Variants in XKR4 observed in about 807,000 individuals in gnomAD.
The protein encoded by XKR4 is XK related 4, also known as XK-related protein 4.
In XKR4, 12 loss-of-function variants were observed where a neutral mutation model predicts 53.9. The observed-to-expected ratio is 0.22, with a 90% CI of 0.14 to 0.36. The LOEUF (loss-of-function observed/expected upper bound fraction) is 0.36, where lower values mean the gene tolerates loss of function less well. XKR4 is among the 10% of genes least tolerant of loss of function. The pLI, the probability that XKR4 is intolerant of heterozygous loss-of-function variation, is 1.00. For synonymous variants in XKR4, 354 were observed against 362.4 expected, an observed-to-expected ratio of 0.98 and a Z score of 0.26; for missense variants, 799 against 859.5, an observed-to-expected ratio of 0.93 and a Z score of 0.88.
At chr8:55,262,565 T>C (rs1818540689) in intron 1 of XKR4, among the ~76,000 whole-genome samples, 1 of 152,182 alleles carries the variant, frequency 6.6e-6, no homozygotes. Flanking sequence ...TCACATGCAC[T>C]GAGGAAAGGC....
chr8:55,196,175 CTTT>C (rs1032613430), intron 1 of XKR4, among the ~76,000 whole-genome samples: 17 of 125,942 alleles, frequency 1.3e-4, no homozygotes, highest in South Asian at 2.6e-4. Flanking sequence ...GTTGTGCTTC[CTTT>C]TTTTTTTTTT....
At chr8:55,362,788 T>C (rs1803923786) in intron 2 of XKR4, among the ~76,000 whole-genome samples, 1 of 152,188 alleles carries the variant, frequency 6.6e-6, no homozygotes, top group Non-Finnish European at 1.5e-5. Flanking sequence ...AAAATACCAG[T>C]TCATGTACAG....
At chr8:55,377,724 C>T (rs1047918924) in intron 2 of XKR4, among the ~76,000 whole-genome samples, 9 of 152,168 alleles carry the variant, frequency 5.9e-5, no homozygotes, top group Admixed American at 3.3e-4. Flanking sequence ...TGTCGTGAGG[C>T]CACCTTGATG....
At chr8:55,461,476 A>C (rs556802447) in intron 2 of XKR4, among the ~76,000 whole-genome samples, 1 of 152,234 alleles carries the variant, frequency 6.6e-6, no homozygotes, top group African/African-American at 2.4e-5. Flanking sequence ...CCAACTGTAC[A>C]TCACTATCAT....
chr8:55,166,873 G>T (rs1208672569), intron 1 of XKR4, among the ~76,000 whole-genome samples: 3 of 152,208 alleles, frequency 2.0e-5, no homozygotes, highest in Non-Finnish European at 4.4e-5. Context: ...TGCTTTGAAT[G>T]ATATATGAAG....
intron 2 of XKR4, among the ~76,000 whole-genome samples, chr8:55,488,003 A>G (rs569126928): frequency 1.3e-5 from 2 of 152,238 alleles, no homozygotes; most frequent in African/African-American, 2.4e-5. Flanking sequence ...TTAATCATTC[A>G]GGATTGTACA....
intron 2 of XKR4, among the ~76,000 whole-genome samples, chr8:55,437,252 C>T (rs1052616981): frequency 3.3e-5 from 5 of 152,036 alleles, no homozygotes; most frequent in African/African-American, 1.2e-4. Context: ...AGGCTGATCT[C>T]GAACTCCTGA....
intron 2 of XKR4, among the ~76,000 whole-genome samples, chr8:55,500,598 C>T (rs1015646770): frequency 6.6e-6 from 1 of 152,150 alleles, no homozygotes; most frequent in Non-Finnish European, 1.5e-5. Context: ...CCTCTTCCAA[C>T]CCTAATCTAG....
chr8:55,414,771 C>T (rs887179664), intron 2 of XKR4, among the ~76,000 whole-genome samples: 3 of 152,098 alleles, frequency 2.0e-5, no homozygotes, highest in East Asian at 3.9e-4. Context: ...TGCAATTTTC[C>T]GAGCCATCTT....
rs1242193374 is a variant in XKR4 at position 55,535,370 on chromosome 8, TC to T, written c.*11149del. ...CAGGTATATCTCCTAATGCTATCCC[TC>T]CCCCCTCCCCCCACCCCACAACACT... On this transcript the variant is annotated 3_prime_UTR_variant, in exon 3 of 3. Coordinates refer to ENST00000327381, the MANE Select transcript of XKR4 (RefSeq NM_052898.2). 9 of 101,014 alleles carry T rather than the reference TC, an allele frequency of 8.9e-5. 1 individual carries two copies. The South Asian group carries it at 1.7e-3, about 19-fold the overall frequency. 6.3% of individuals were successfully genotyped at this position (101,014 alleles called of 1,614,324 possible). A position where few individuals can be genotyped will look rare whatever the true frequency, so the allele number is the denominator to read the frequency against.
intron 1 of XKR4, among the ~76,000 whole-genome samples, chr8:55,126,295 A>G (rs1182521747): frequency 6.6e-6 from 1 of 152,172 alleles, no homozygotes; most frequent in East Asian, 1.9e-4. Flanking sequence ...CTGGGGAAAC[A>G]GTGACGGAGA....
rs550097464 is a variant in XKR4 at position 55,128,226 on chromosome 8, A to G, written c.806+24932A>G. On this transcript the variant is annotated intron_variant, in intron 1 of 2. Coordinates refer to ENST00000327381, the MANE Select transcript of XKR4 (RefSeq NM_052898.2). ...TGTAAAAGTGTTCCTATTTCTTGAC[A>G]TCCTCTCCAGGATGTCAAGAACAGG... Among the ~76,000 whole-genome samples the G allele has an allele frequency of 1.2e-4, 18 of 152,196 alleles. No homozygotes were observed. In the East Asian group the frequency reaches 3.1e-3, roughly 26 times the overall value.
chr8:55,180,889 A>G (rs1383435615), intron 1 of XKR4, among the ~76,000 whole-genome samples: 1 of 152,172 alleles, frequency 6.6e-6, no homozygotes, highest in Non-Finnish European at 1.5e-5. Flanking sequence ...CTTGTCTAAC[A>G]AAAGAGATTC....
chr8:55,463,866 G>C (rs1805706530), intron 2 of XKR4, among the ~76,000 whole-genome samples: 1 of 152,062 alleles, frequency 6.6e-6, no homozygotes, highest in Admixed American at 6.5e-5. Flanking sequence ...AAATAAACTA[G>C]AAAATCTAGA....
intron 2 of XKR4, among the ~76,000 whole-genome samples, chr8:55,393,378 CAT>C (rs1804468782): frequency 6.8e-6 from 1 of 146,732 alleles, no homozygotes. Flanking sequence ...AATAGAATGA[CAT>C]ATGGCTGGAA....
intron 1 of XKR4, among the ~76,000 whole-genome samples, chr8:55,317,224 TTCTATCATAGATGA>T (rs1265625200): frequency 6.6e-6 from 1 of 152,244 alleles, no homozygotes; most frequent in African/African-American, 2.4e-5. Flanking sequence ...TTACTTGGCA[TTCTATCATAGATGA>T]TGAGTGAACA....
intron 1 of XKR4, among the ~76,000 whole-genome samples, chr8:55,355,396 A>T (rs542191945): frequency 1.3e-5 from 2 of 152,210 alleles, no homozygotes; most frequent in Non-Finnish European, 2.9e-5. Context: ...AGCATATATA[A>T]TCAAGAGGAG....
At chr8:55,249,772 T>C (rs1462246938) in intron 1 of XKR4, among the ~76,000 whole-genome samples, 2 of 152,230 alleles carry the variant, frequency 1.3e-5, no homozygotes, top group Non-Finnish European at 2.9e-5. Context: ...TATTTAGGAT[T>C]GTCTAGTATT....
At chr8:55,393,402 AGAAGGAAG>A (rs36208673) in intron 2 of XKR4, among the ~76,000 whole-genome samples, 6,902 of 144,788 alleles carry the variant, frequency 0.048, 247 homozygotes, top group African/African-American at 0.094. Context: ...ATACTTCTTA[AGAAGGAAG>A]GAAGGAAGGA....
Sources: allele counts gnomAD v4.1 joint callset (sites outside exome capture counted in the v4.1 genomes callset), GRCh38; gene constraint gnomAD v4.1.1; transcripts MANE v1.5; gene names NCBI Gene and HGNC (gene_info 2026-07-23, HGNC 2026-07-21).